The following ANO6 variants were observed in gnomAD, a reference collection of about 807,000 sequenced individuals.
The protein encoded by ANO6 is anoctamin 6, also known as anoctamin-6.
ANO6 carries 106 observed loss-of-function variants against 117.5 expected under a neutral mutation model. The ratio of observed to expected loss-of-function variants is 0.90; its 90% CI spans 0.77 to 1.06. The LOEUF (loss-of-function observed/expected upper bound fraction) is 1.06. Ranked by LOEUF, ANO6 falls within the 50% of genes least tolerant of loss-of-function variation. ANO6 has a pLI of 0.00. For missense variants in ANO6, 955 were observed against 1,121.1 expected, an observed-to-expected ratio of 0.85 and a Z score of 2.12; for synonymous variants, 367 against 385.1, an observed-to-expected ratio of 0.95 and a Z score of 0.55.
intron 1 of ANO6, among the ~76,000 whole-genome samples, chr12:45,218,904 G>A (rs1164306262): frequency 6.6e-6 from 1 of 152,180 alleles, no homozygotes; most frequent in African/African-American, 2.4e-5. Context: ...AGATTTCTGT[G>A]AAATCCCTCT....
At chr12:45,316,658 A>G (rs986117313) in intron 2 of ANO6, among the ~76,000 whole-genome samples, 20 of 152,168 alleles carry the variant, frequency 1.3e-4, no homozygotes, top group Non-Finnish European at 2.5e-4. Context: ...AAGTCAATTC[A>G]ATAATCTGTT....
At chr12:45,287,299 C>T (rs1185143823) in intron 1 of ANO6, among the ~76,000 whole-genome samples, 3 of 152,162 alleles carry the variant, frequency 2.0e-5, no homozygotes, top group Non-Finnish European at 4.4e-5. Flanking sequence ...AAAGCATAAC[C>T]TGTGAGCTCC....
chr12:45,290,570 G>A (rs1399570421), intron 1 of ANO6, among the ~76,000 whole-genome samples: 5 of 152,136 alleles, frequency 3.3e-5, no homozygotes, highest in Non-Finnish European at 1.5e-5. Flanking sequence ...CAGTTAGACT[G>A]TGAAGCAATA....
At chr12:45,436,350 G>T (rs1943706876), downstream of ANO6, among the ~76,000 whole-genome samples, 2 of 152,152 alleles carry the variant, frequency 1.3e-5, no homozygotes, top group African/African-American at 4.8e-5. Flanking sequence ...GCTATAGCAA[G>T]CTCTGAATAA....
chr12:45,397,172 GC>G (rs1207599918), intron 12 of ANO6, among the ~76,000 whole-genome samples: 1 of 152,146 alleles, frequency 6.6e-6, no homozygotes, highest in Non-Finnish European at 1.5e-5. Flanking sequence ...CAAAAAGTGG[GC>G]AAAGCATATG....
Position 45,347,101 on chromosome 12 carries a change from C to T in ANO6, c.345+14C>T, listed in dbSNP as rs762290515. 2 of 1,613,444 alleles carry T rather than the reference C, an allele frequency of 1.2e-6. No individual in the cohort carries two copies. Among genetic ancestry groups the T allele is most frequent in the East Asian group, 4.5e-5 (2 of 44,868 alleles). ...GCAACAAGATCAGTAAGTACTGGTC[C>T]CTTTTCAGCCCTCGGCTGACCACTG... On this transcript the variant is annotated intron_variant, in intron 4 of 19. Transcript: ENST00000320560.
In ANO6 at chr12:45,216,222, C is replaced by T; in HGVS notation, c.-100C>T. 7.3e-7 allele frequency: 1 copy of T among 1,373,962 alleles called. No individual in the cohort carries two copies. Among genetic ancestry groups the T allele is most frequent in the Admixed American group, 2.0e-5 (1 of 50,628 alleles). The allele number at this position is 1,373,962 out of a possible 1,614,324, so 85.1% of individuals were successfully genotyped here. ...GGCCCCTGAGCCCAAGCGACACACG[C>T]CCCGCGGTCCCCGATCCGGCCCCTG... On this transcript the variant is annotated 5_prime_UTR_variant, in exon 1 of 20. Transcript: ENST00000320560.
intron 1 of ANO6, among the ~76,000 whole-genome samples, chr12:45,251,026 C>T (rs1947893639): frequency 6.6e-6 from 1 of 150,772 alleles, no homozygotes; most frequent in African/African-American, 2.4e-5. Flanking sequence ...TGAGCCCTGA[C>T]AGCGCTTCAA....
intron 1 of ANO6, among the ~76,000 whole-genome samples, chr12:45,222,807 C>T (rs1280042047): frequency 6.6e-6 from 1 of 152,236 alleles, no homozygotes; most frequent in African/African-American, 2.4e-5. Flanking sequence ...GCCCCATACC[C>T]TGGAGGAAGG....
At chr12:45,413,799 A>G (rs1485391282) in intron 16 of ANO6, among the ~76,000 whole-genome samples, 1 of 116,578 alleles carries the variant, frequency 8.6e-6, no homozygotes, top group African/African-American at 4.0e-5. Flanking sequence ...GCACCTACAC[A>G]AGTCCTAATT....
chr12:45,295,813 G>A (rs546057036), intron 1 of ANO6, among the ~76,000 whole-genome samples: 2 of 152,012 alleles, frequency 1.3e-5, no homozygotes, highest in East Asian at 1.9e-4. Flanking sequence ...CGTCCACCTG[G>A]CCTCCCAAAG....
chr12:45,426,509 T>C (rs1193450736), intron 19 of ANO6, among the ~76,000 whole-genome samples: 1 of 152,080 alleles, frequency 6.6e-6, no homozygotes, highest in Non-Finnish European at 1.5e-5. Context: ...TTTCACCCCC[T>C]CCACTTCACT....
chr12:45,427,282 C>T (rs1943525827), intron 19 of ANO6, among the ~76,000 whole-genome samples: 1 of 152,106 alleles, frequency 6.6e-6, no homozygotes. Context: ...GAGCCAGAGT[C>T]CTCACAGTGG....
Position 45,236,290 on chromosome 12 carries a change from G to A in ANO6, c.70+19899G>A, listed in dbSNP as rs147964739. 1.4e-3 allele frequency among the ~76,000 whole-genome samples: 210 copies of A among 152,166 alleles called. 1 individual carries two copies. Among genetic ancestry groups the A allele is most frequent in the African/African-American group, 4.9e-3 (203 of 41,498 alleles). On this transcript the variant is annotated intron_variant, in intron 1 of 19. Coordinates refer to ENST00000320560, the MANE Select transcript of ANO6 (RefSeq NM_001025356.3). ...GTACATGTGCACAACATTTAGGTTT[G>A]TTACATAGGTATACATGTACCATGT...
chr12:45,363,063 G>T, intron 8 of ANO6, among the ~76,000 whole-genome samples: 1 of 151,922 alleles, frequency 6.6e-6, no homozygotes, highest in East Asian at 1.9e-4. Flanking sequence ...TCTTAGTATA[G>T]GTTAAGTGTT....
Position 45,430,054 on chromosome 12 carries a change from C to T in ANO6, c.*743C>T, listed in dbSNP as rs1943597189. 1.0e-6 allele frequency: 1 copy of T among 985,278 alleles called. No individual in the cohort carries two copies. The highest frequency in any genetic ancestry group is 6.2e-5 in the Admixed American group (1 of 16,260). 61.0% of individuals were successfully genotyped at this position (985,278 alleles called of 1,614,324 possible). On this transcript the variant is annotated 3_prime_UTR_variant, in exon 20 of 20. Transcript: ENST00000320560. ...TCAATGTTGACTGCTTTGCAGATCT[C>T]AAGGGAATAAAATGACAAAAGCAGG...
downstream of ANO6, among the ~76,000 whole-genome samples, chr12:45,434,504 A>G (rs60210600): frequency 0.057 from 8,716 of 152,266 alleles, 856 homozygotes; most frequent in African/African-American, 0.2. Context: ...GGGACAATCA[A>G]TATTCACCAT....
At chr12:45,249,060 G>T (rs1947865807) in intron 1 of ANO6, among the ~76,000 whole-genome samples, 1 of 152,214 alleles carries the variant, frequency 6.6e-6, no homozygotes, top group Admixed American at 6.5e-5. Flanking sequence ...ATCATAATAT[G>T]TGTTGGTGGC....
Position 45,237,883 on chromosome 12 carries a change from G to A in ANO6, c.70+21492G>A, listed in dbSNP as rs548568778. On this transcript the variant is annotated intron_variant, in intron 1 of 19. Transcript: ENST00000320560. Reference sequence around the variant, plus strand: ...ATGGAATGTTCTTCCATTTGTTTGCGTCCTCTTTTATTTCATTGAGCAGTG... The same window carrying A: ...ATGGAATGTTCTTCCATTTGTTTGCATCCTCTTTTATTTCATTGAGCAGTG... Among the ~76,000 whole-genome samples the A allele has an allele frequency of 2.5e-4, 38 of 152,118 alleles. No homozygotes were observed. In the Middle Eastern group the frequency reaches 0.01, roughly 41 times the overall value.
Sources: gnomAD v4.1 joint callset for allele counts (sites outside exome capture counted in the v4.1 genomes callset) on GRCh38, gnomAD v4.1.1 for gene constraint, MANE v1.5 for transcripts, NCBI Gene and HGNC (gene_info 2026-07-23, HGNC 2026-07-21) for gene names.